The following ARL15 variants were observed in gnomAD, a reference collection of about 807,000 sequenced individuals.
The protein encoded by ARL15 is ARF like GTPase 15.
In ARL15, 19 loss-of-function variants were observed where a neutral mutation model predicts 25.2. That is an observed-to-expected ratio of 0.75 (90% CI 0.53 to 1.10). The LOEUF is 1.10. Ranked by LOEUF, ARL15 falls within the 50% of genes least tolerant of loss-of-function variation. The pLI, the probability that ARL15 is intolerant of heterozygous loss-of-function variation, is 0.00. For missense variants in ARL15, 220 were observed against 246.0 expected (o/e 0.89, Z 0.71); for synonymous variants, 94 against 86.8 (o/e 1.08, Z -0.46).
intron 1 of ARL15, among the ~76,000 whole-genome samples, chr5:54,292,689 C>CTT (rs1399238814): frequency 6.6e-6 from 1 of 152,116 alleles, no homozygotes; most frequent in Admixed American, 6.5e-5. Flanking sequence ...TCTTACAAGT[C>CTT]ACAAGAGAAG....
At chr5:54,134,272 G>C (rs1164057964) in intron 3 of ARL15, among the ~76,000 whole-genome samples, 1 of 152,158 alleles carries the variant, frequency 6.6e-6, no homozygotes, top group Non-Finnish European at 1.5e-5. Context: ...ACCATAGTAT[G>C]GGATCATTTC....
At chr5:53,938,664 A>G (rs1746432747) in intron 4 of ARL15, among the ~76,000 whole-genome samples, 1 of 152,168 alleles carries the variant, frequency 6.6e-6, no homozygotes, top group East Asian at 1.9e-4. Flanking sequence ...TGTCTCTACT[A>G]AAAATATAAA....
intron 1 of ARL15, among the ~76,000 whole-genome samples, chr5:54,271,590 T>C (rs1757785041): frequency 1.3e-5 from 2 of 152,176 alleles, no homozygotes. Flanking sequence ...TTCATGGATA[T>C]GGAATCTACT....
intron 3 of ARL15, among the ~76,000 whole-genome samples, chr5:54,128,668 G>A (rs896030120): frequency 3.3e-5 from 5 of 151,130 alleles, no homozygotes; most frequent in African/African-American, 1.2e-4. Flanking sequence ...ACCTATCTCT[G>A]AGCAACACAA....
At chr5:54,292,580 T>C (rs1198948026) in intron 1 of ARL15, among the ~76,000 whole-genome samples, 5 of 152,184 alleles carry the variant, frequency 3.3e-5, no homozygotes, top group Non-Finnish European at 5.9e-5. Context: ...GCAGAGTTCC[T>C]ATTCAAGCGT....
At chr5:54,058,008 A>ATT (rs1343404127) in intron 4 of ARL15, among the ~76,000 whole-genome samples, 1 of 73,130 alleles carries the variant, frequency 1.4e-5, no homozygotes, top group South Asian at 4.1e-4. Flanking sequence ...TTATTTATTT[A>ATT]TTTATTTATT....
At chr5:54,105,784 T>C (rs1285261364) in intron 4 of ARL15, among the ~76,000 whole-genome samples, 1 of 152,154 alleles carries the variant, frequency 6.6e-6, no homozygotes, top group Non-Finnish European at 1.5e-5. Context: ...AGTTTCACTA[T>C]GTTGGTCACG....
chr5:54,007,105 G>A (rs2111759534), intron 4 of ARL15, among the ~76,000 whole-genome samples: 1 of 152,194 alleles, frequency 6.6e-6, no homozygotes, highest in East Asian at 1.9e-4. Context: ...TTTTTAATTG[G>A]GGCTGGTTCT....
chr5:54,034,851 C>G (rs972424233), intron 4 of ARL15, among the ~76,000 whole-genome samples: 1 of 149,958 alleles, frequency 6.7e-6, no homozygotes, highest in Admixed American at 6.6e-5. Flanking sequence ...TTTTTAGAGA[C>G]GGGGGGCGGT....
At chr5:54,001,520 T>C (rs1285624679) in intron 4 of ARL15, among the ~76,000 whole-genome samples, 2 of 152,214 alleles carry the variant, frequency 1.3e-5, no homozygotes, top group Admixed American at 1.3e-4. Context: ...ACAAAAATAA[T>C]GACCTCTCCT....
intron 4 of ARL15, among the ~76,000 whole-genome samples, chr5:53,946,455 G>GAAAAAAAAAAAAAAAAAAAA (rs55727717): frequency 2.3e-5 from 1 of 43,940 alleles, no homozygotes; most frequent in Non-Finnish European, 4.0e-5. Flanking sequence ...GTCTCAAGAG[G>GAAAAAAAAAAAAAAAAAAAA]AAAAAAAAAA....
intron 1 of ARL15, among the ~76,000 whole-genome samples, chr5:54,178,844 C>A (rs551407761): frequency 1.3e-5 from 2 of 152,206 alleles, no homozygotes; most frequent in South Asian, 4.2e-4. Flanking sequence ...AAAATGTAAA[C>A]CCAGTACAAA....
At chr5:53,954,133 C>G (rs1747065458) in intron 4 of ARL15, among the ~76,000 whole-genome samples, 2 of 149,594 alleles carry the variant, frequency 1.3e-5, no homozygotes, top group Non-Finnish European at 3.0e-5. Context: ...GACAGGGGAG[C>G]TTTCTTGCAT....
At chr5:54,183,128 G>C (rs1259639021) in intron 1 of ARL15, among the ~76,000 whole-genome samples, 7 of 121,046 alleles carry the variant, frequency 5.8e-5, no homozygotes, top group African/African-American at 2.1e-4. Flanking sequence ...TTTCCTAATT[G>C]AATACCCGTT....
chr5:53,970,520 G>A (rs561969735), intron 4 of ARL15, among the ~76,000 whole-genome samples: 1 of 152,262 alleles, frequency 6.6e-6, no homozygotes, highest in South Asian at 2.1e-4. Flanking sequence ...GAGAGCGAGA[G>A]AGAACTCCGT....
intron 4 of ARL15, among the ~76,000 whole-genome samples, chr5:54,099,679 T>A (rs1289702156): frequency 6.6e-6 from 1 of 152,076 alleles, no homozygotes; most frequent in Non-Finnish European, 1.5e-5. Context: ...TATGGAACAT[T>A]AACTCATTCA....
At chr5:54,013,754 C>T (rs1197691712) in intron 4 of ARL15, among the ~76,000 whole-genome samples, 1 of 152,174 alleles carries the variant, frequency 6.6e-6, no homozygotes, top group Non-Finnish European at 1.5e-5. Context: ...TCTGTGGCCC[C>T]ACCCACAGGC....
intron 1 of ARL15, among the ~76,000 whole-genome samples, chr5:54,234,321 T>TA (rs986430985): frequency 2.6e-3 from 363 of 142,080 alleles, no homozygotes; most frequent in African/African-American, 6.3e-3. Flanking sequence ...AATGCATTAG[T>TA]AAAAAAAAAA....
chr5:54,178,096 A>G (rs1206220271), intron 1 of ARL15, among the ~76,000 whole-genome samples: 2 of 152,178 alleles, frequency 1.3e-5, no homozygotes, highest in South Asian at 2.1e-4. Context: ...CCAGGCACCA[A>G]AACAGAACAG....
Sources: allele counts gnomAD v4.1 joint callset (sites outside exome capture counted in the v4.1 genomes callset), GRCh38; gene constraint gnomAD v4.1.1; transcripts MANE v1.5; gene names NCBI Gene and HGNC (gene_info 2026-07-23, HGNC 2026-07-21).